DLC1: variants seen among roughly 807,000 people sequenced by gnomAD.
DLC1 encodes rho GTPase-activating protein 7.
In DLC1, 54 loss-of-function variants were observed where a neutral mutation model predicts 140.3. That is an observed-to-expected ratio of 0.38 (90% CI 0.31 to 0.48). The LOEUF is 0.48. Ranked by LOEUF, DLC1 falls within the 20% of genes least tolerant of loss-of-function variation. The pLI, the probability that DLC1 is intolerant of heterozygous loss-of-function variation, is 0.96. For missense variants in DLC1, 2,536 were observed against 1,907.0 expected (o/e 1.33, Z -6.14); for synonymous variants, 986 against 728.1 (o/e 1.35, Z -5.70).
At chr8:13,421,844 G>A (rs1286816784) in intron 2 of DLC1, among the ~76,000 whole-genome samples, 3 of 151,996 alleles carry the variant, frequency 2.0e-5, no homozygotes, top group African/African-American at 7.3e-5. Context: ...TTCTGCCTAG[G>A]GAATCTCTCT....
intron 1 of DLC1, among the ~76,000 whole-genome samples, chr8:13,526,815 T>C (rs1802932930): frequency 6.6e-6 from 1 of 152,164 alleles, no homozygotes; most frequent in African/African-American, 2.4e-5. Context: ...GAGATATACC[T>C]AATGTAAATG....
At position 13,290,478 on chromosome 8, in the gene DLC1, C is replaced by T. The variant is rs372882045; in HGVS notation, c.1348+14791G>A. On this transcript the variant is annotated intron_variant, in intron 5 of 17. Coordinates refer to ENST00000276297, the MANE Select transcript of DLC1 (RefSeq NM_182643.3). ...TGCCTTTTTTCTTAATTAAAAATGC[C>T]ATTTCCCTTTCTTTCAATTTCTTAA... 1.1e-3 allele frequency among the ~76,000 whole-genome samples: 175 copies of T among 152,220 alleles called. 1 individual carries two copies. The highest frequency in any genetic ancestry group is 4.1e-3 in the African/African-American group (170 of 41,530).
chr8:13,499,632 A>C lies in DLC1; in HGVS notation c.440T>G (p.Leu147Ter). Residue 147 changes from leucine (L) to a stop codon, truncating the protein, a stop_gained, in exon 2 of 18, where the codon TTA (leucine) becomes TGA (stop). Coordinates refer to ENST00000276297, the MANE Select transcript of DLC1 (RefSeq NM_182643.3). LOFTEE classifies it high-confidence loss of function. The stretch of plus-strand genomic sequence containing the variant: ...TTGTATGATGGGCAGTGCCTTTTCT[A>C]AGGAGCCTGCTCCTTGGATCATATG... ...GQHMIQGAGS[L>*]EKALPIIQSN... 1 of 1,614,168 alleles carries C rather than the reference A, an allele frequency of 6.2e-7. No individual in the cohort carries two copies. Among genetic ancestry groups the C allele is most frequent in the Admixed American group, 1.7e-5 (1 of 60,028 alleles).
intron 5 of DLC1, among the ~76,000 whole-genome samples, chr8:13,117,627 G>A (rs1820668873): frequency 6.6e-6 from 1 of 152,218 alleles, no homozygotes; most frequent in African/African-American, 2.4e-5. Flanking sequence ...TATTTTCATT[G>A]AACAGACTGT....
intron 5 of DLC1, among the ~76,000 whole-genome samples, chr8:13,275,639 G>T (rs1234197521): frequency 6.6e-6 from 1 of 152,166 alleles, no homozygotes; most frequent in Non-Finnish European, 1.5e-5. Flanking sequence ...CTACCATTTG[G>T]TGGCTGTCAC....
At chr8:13,447,045 G>A (rs545081207) in intron 2 of DLC1, among the ~76,000 whole-genome samples, 2 of 152,192 alleles carry the variant, frequency 1.3e-5, no homozygotes, top group African/African-American at 4.8e-5. Flanking sequence ...CAATTCTTAT[G>A]TTTCTTGTGA....
At chr8:13,551,075 C>CACACCCTT (rs71207163) in intron 1 of DLC1, among the ~76,000 whole-genome samples, 1 of 121,716 alleles carries the variant, frequency 8.2e-6, no homozygotes, top group Non-Finnish European at 1.7e-5. Context: ...CACACACACA[C>CACACCCTT]TTTTTTTTTT....
intron 4 of DLC1, among the ~76,000 whole-genome samples, chr8:13,332,619 T>C (rs1466541137): frequency 5.4e-5 from 2 of 37,382 alleles, no homozygotes; most frequent in Non-Finnish European, 1.5e-4. Flanking sequence ...TTAGTAGAGA[T>C]TGGGTTCCAT....
chr8:13,532,488 A>T (rs948667817), intron 1 of DLC1, among the ~76,000 whole-genome samples: 2 of 152,226 alleles, frequency 1.3e-5, no homozygotes, highest in Non-Finnish European at 2.9e-5. Context: ...CCATGTACAG[A>T]TAAAGTAACT....
intron 1 of DLC1, among the ~76,000 whole-genome samples, chr8:13,522,102 G>A (rs949817564): frequency 1.3e-5 from 2 of 152,080 alleles, no homozygotes; most frequent in East Asian, 1.9e-4. Flanking sequence ...TTATACCTAC[G>A]ACTTCCACCC....
intron 4 of DLC1, among the ~76,000 whole-genome samples, chr8:13,363,371 GTT>G (rs57084358): frequency 1.2e-3 from 177 of 144,178 alleles, no homozygotes; most frequent in African/African-American, 2.1e-3. Flanking sequence ...CATTTGCAGT[GTT>G]TTTTTTTTTT....
In DLC1 at chr8:13,500,016, C is replaced by G; in HGVS notation, c.56G>C (p.Gly19Ala). The part of the protein sequence containing the change: ...SWEEHVTHWM[G>A]QPFNSDDRNT... ...ACGATCATCAGAATTAAAAGGCTGT[C>G]CCATCCAGTGGGTCACATGTTCTTC... Residue 19 changes from glycine (G) to alanine (A), a missense_variant, in exon 2 of 18, where the codon GGA (glycine) becomes GCA (alanine). Coordinates refer to ENST00000276297, the MANE Select transcript of DLC1 (RefSeq NM_182643.3). 1 of 1,614,072 alleles carries G rather than the reference C, an allele frequency of 6.2e-7. No individual in the cohort carries two copies. The highest frequency in any genetic ancestry group is 8.5e-7 in the Non-Finnish European group (1 of 1,179,978).
In DLC1 at chr8:13,306,533, A is replaced by T. The variant is rs1393012306; in HGVS notation, c.1315-1231T>A. Among the ~76,000 whole-genome samples, 4 of 149,640 alleles carry T rather than the reference A, an allele frequency of 2.7e-5. No homozygotes were observed. In the Admixed American group the frequency reaches 2.7e-4, roughly 10 times the overall value. ...AGTTGAAGTAAGAAAAGCACACTCA[A>T]ATGGGTATTTGTGTGTGTGTGTGTT... On this transcript the variant is annotated intron_variant, in intron 4 of 17. Coordinates refer to ENST00000276297, the MANE Select transcript of DLC1 (RefSeq NM_182643.3).
In DLC1 at chr8:13,085,294, C is replaced by T. The variant is rs1261988770; in HGVS notation, c.*517G>A. On this transcript the variant is annotated 3_prime_UTR_variant, in exon 18 of 18. Coordinates refer to ENST00000276297, the MANE Select transcript of DLC1 (RefSeq NM_182643.3). ...CCTTCTTGGAGGTGTCTCAGTGTGC[C>T]AGACACTGAATCCACCTTAGACATC... The T allele has an allele frequency of 6.5e-6, 1 of 152,792 alleles. No individual in the cohort carries two copies. The highest frequency in any genetic ancestry group is 1.5e-5 in the Non-Finnish European group (1 of 68,192). The allele number at this position is 152,792 out of a possible 1,614,324, so 9.5% of individuals were successfully genotyped here. A position where few individuals can be genotyped will look rare whatever the true frequency, so the allele number is the denominator to read the frequency against.
chr8:13,250,466 T>C (rs1197212881), intron 5 of DLC1, among the ~76,000 whole-genome samples: 1 of 152,182 alleles, frequency 6.6e-6, no homozygotes, highest in Non-Finnish European at 1.5e-5. Context: ...GGCATAGGAT[T>C]AGATAGGTAA....
At chr8:13,519,656 A>G (rs532258192), upstream of DLC1, among the ~76,000 whole-genome samples, 16 of 152,326 alleles carry the variant, frequency 1.1e-4, no homozygotes, top group Middle Eastern at 3.4e-3. Flanking sequence ...GCAAAATCAT[A>G]TAAGCTCTCC....
intron 2 of DLC1, among the ~76,000 whole-genome samples, chr8:13,457,146 C>T (rs563052717): frequency 5.3e-5 from 8 of 152,086 alleles, no homozygotes; most frequent in African/African-American, 1.2e-4. Context: ...CAGAATATTG[C>T]GAACTTTCCC....
chr8:13,543,332 G>A (rs1476445423), intron 1 of DLC1, among the ~76,000 whole-genome samples: 4 of 152,084 alleles, frequency 2.6e-5, no homozygotes, highest in Non-Finnish European at 5.9e-5. Flanking sequence ...GTTTCCTTAA[G>A]TTCAGAAGTA....
At chr8:13,552,274 C>G (rs1023046036) in intron 1 of DLC1, among the ~76,000 whole-genome samples, 10 of 147,756 alleles carry the variant, frequency 6.8e-5, no homozygotes, top group African/African-American at 2.5e-4. Context: ...TACCTATATA[C>G]AAGGTAGAAC....
Sources: allele counts gnomAD v4.1 joint callset (sites outside exome capture counted in the v4.1 genomes callset), GRCh38; gene constraint gnomAD v4.1.1; transcripts MANE v1.5; gene names NCBI Gene and HGNC (gene_info 2026-07-23, HGNC 2026-07-21).